PTPN9: variants seen among roughly 807,000 people sequenced by gnomAD.
PTPN9 encodes the protein tyrosine-protein phosphatase non-receptor type 9.
In PTPN9, 26 loss-of-function variants were observed where a neutral mutation model predicts 69.8. The observed-to-expected ratio is 0.37, with a 90% CI of 0.27 to 0.52. The LOEUF (loss-of-function observed/expected upper bound fraction) is 0.52. Ranked by LOEUF, PTPN9 falls within the 20% of genes least tolerant of loss-of-function variation. The pLI is 0.91. For synonymous variants in PTPN9, 274 were observed against 272.5 expected (o/e 1.01, Z -0.05); for missense variants, 549 against 740.3 (o/e 0.74, Z 3.00).
At chr15:75,484,581 T>C (rs896356686) in intron 8 of PTPN9, among the ~76,000 whole-genome samples, 1 of 152,198 alleles carries the variant, frequency 6.6e-6, no homozygotes, top group African/African-American at 2.4e-5. Context: ...AAAAGATCCT[T>C]TGATCCAGGC....
chr15:75,485,273 G>T (rs1297724360), intron 8 of PTPN9, among the ~76,000 whole-genome samples: 1 of 150,456 alleles, frequency 6.6e-6, no homozygotes, highest in Admixed American at 6.6e-5. Context: ...AAGCACAAAA[G>T]ATTTACCTAG....
At chr15:75,492,380 G>A (rs2074715820) in intron 7 of PTPN9, among the ~76,000 whole-genome samples, 1 of 152,150 alleles carries the variant, frequency 6.6e-6, no homozygotes, top group African/African-American at 2.4e-5. Flanking sequence ...AGACACAGAA[G>A]CTAGGACCAA....
chr15:75,520,356 T>C (rs1366555009), intron 4 of PTPN9, among the ~76,000 whole-genome samples: 2 of 152,006 alleles, frequency 1.3e-5, no homozygotes, highest in African/African-American at 4.8e-5. Flanking sequence ...ATCCAGGTTC[T>C]ATATTCCCAG....
At chr15:75,510,772 G>A (rs1041769368) in intron 5 of PTPN9, among the ~76,000 whole-genome samples, 5 of 151,608 alleles carry the variant, frequency 3.3e-5, no homozygotes, top group Admixed American at 2.0e-4. Flanking sequence ...AATTATTGGC[G>A]TTAAGTATGT....
chr15:75,468,886 G>C lies in PTPN9; in HGVS notation c.1665C>G (p.Ala555=), dbSNP rs141630035. 283 of 1,614,072 alleles carry C rather than the reference G, an allele frequency of 1.8e-4. No homozygotes were observed. The highest frequency in any genetic ancestry group is 1.8e-4 in the Non-Finnish European group (212 of 1,180,036). The part of the protein sequence containing the change: ...QTVSRMRTQR[A]FSIQTPEQYY... ...ACTGCTCAGGGGTCTGGATGCTGAA[G>C]GCCCTCTGGGTCCTCATGCGTGACA... The change falls in exon 13 of 13, where the codon GCC becomes GCG. Residue 555 remains alanine, a synonymous_variant. Transcript: ENST00000618819.
intron 1 of PTPN9, among the ~76,000 whole-genome samples, chr15:75,541,378 T>G (rs2075007958): frequency 1.3e-5 from 2 of 151,258 alleles, no homozygotes; most frequent in African/African-American, 4.9e-5. Context: ...CCACCACACC[T>G]GCCCTCATTT....
At chr15:75,538,524 C>T (rs970862723) in intron 1 of PTPN9, among the ~76,000 whole-genome samples, 1 of 152,026 alleles carries the variant, frequency 6.6e-6, no homozygotes. Flanking sequence ...TGACAAAACC[C>T]CGTCTCTACA....
At chr15:75,475,850 C>G (rs534385621) in intron 9 of PTPN9, among the ~76,000 whole-genome samples, 34 of 152,046 alleles carry the variant, frequency 2.2e-4, no homozygotes, top group Non-Finnish European at 4.7e-4. Context: ...TAAATTATGA[C>G]GTATCAGGTG....
At chr15:75,563,066 T>G (rs534857744) in intron 1 of PTPN9, among the ~76,000 whole-genome samples, 1 of 152,276 alleles carries the variant, frequency 6.6e-6, no homozygotes, top group African/African-American at 2.4e-5. Flanking sequence ...AGACAGCTTT[T>G]TGATCCTCGC....
At position 75,513,271 on chromosome 15, in the gene PTPN9, C is replaced by T. The variant is rs762044439; in HGVS notation, c.528+3988G>A. On this transcript the variant is annotated intron_variant, in intron 5 of 12. Transcript: ENST00000618819. ...GGTTTTTGATTTGCTGGTAAAAGGACCTTGGACATTTAGGTCCTGAAATAA... is the reference window on the plus strand; with the variant it reads ...GGTTTTTGATTTGCTGGTAAAAGGATCTTGGACATTTAGGTCCTGAAATAA... The T allele has an allele frequency of 6.6e-6, 3 of 455,756 alleles. No individual in the cohort carries two copies. In the East Asian group the frequency reaches 2.1e-4, roughly 32 times the overall value. 28.2% of individuals were successfully genotyped at this position (455,756 alleles called of 1,614,324 possible). A position where few individuals can be genotyped will look rare whatever the true frequency, so the allele number is the denominator to read the frequency against.
intron 1 of PTPN9, among the ~76,000 whole-genome samples, chr15:75,551,008 T>G (rs1237463607): frequency 6.6e-6 from 1 of 152,200 alleles, no homozygotes; most frequent in Non-Finnish European, 1.5e-5. Context: ...CAATGTTTAC[T>G]GAGTGCTTAT....
intron 7 of PTPN9, among the ~76,000 whole-genome samples, chr15:75,494,099 A>G (rs2074726018): frequency 2.0e-5 from 3 of 149,198 alleles, no homozygotes; most frequent in Non-Finnish European, 1.5e-5. Context: ...AATATTTACT[A>G]TCTTACCCTT....
intron 7 of PTPN9, among the ~76,000 whole-genome samples, chr15:75,503,147 T>C (rs2074783450): frequency 6.7e-6 from 1 of 148,476 alleles, no homozygotes; most frequent in Admixed American, 6.7e-5. Flanking sequence ...GTCTGGAAAG[T>C]GAGGAGCGTC....
intron 7 of PTPN9, among the ~76,000 whole-genome samples, chr15:75,499,492 G>A (rs535943893): frequency 2.3e-4 from 30 of 130,950 alleles, no homozygotes; most frequent in Non-Finnish European, 3.2e-4. Context: ...AGCAACCTCC[G>A]CCTCCTGGGC....
At chr15:75,502,685 T>C (rs138449573) in intron 7 of PTPN9, among the ~76,000 whole-genome samples, 15 of 152,250 alleles carry the variant, frequency 9.9e-5, no homozygotes, top group African/African-American at 3.6e-4. Flanking sequence ...TGACTGTGGA[T>C]TATTTTAAGT....
chr15:75,472,662 C>T (rs1336962554), intron 10 of PTPN9, among the ~76,000 whole-genome samples: 1 of 151,066 alleles, frequency 6.6e-6, no homozygotes, highest in Non-Finnish European at 1.5e-5. Context: ...CATGGTGGCA[C>T]GTTCCTATAA....
intron 1 of PTPN9, among the ~76,000 whole-genome samples, chr15:75,541,062 G>C (rs552846457): frequency 8.6e-5 from 13 of 151,986 alleles, no homozygotes; most frequent in Non-Finnish European, 1.9e-4. Context: ...CTGGGTAACA[G>C]TGAAACCCTG....
intron 4 of PTPN9, among the ~76,000 whole-genome samples, chr15:75,521,166 C>T (rs995750742): frequency 1.1e-4 from 16 of 144,622 alleles, no homozygotes; most frequent in Non-Finnish European, 2.0e-4. Context: ...TTACAATGGG[C>T]CGGGCACGGT....
intron 4 of PTPN9, among the ~76,000 whole-genome samples, chr15:75,522,036 G>A (rs2074907474): frequency 6.6e-6 from 1 of 152,112 alleles, no homozygotes. Context: ...CGGAGGACCA[G>A]CCAAAGATGT....
Sources: allele counts gnomAD v4.1 joint callset (sites outside exome capture counted in the v4.1 genomes callset), GRCh38; gene constraint gnomAD v4.1.1; transcripts MANE v1.5; gene names NCBI Gene and HGNC (gene_info 2026-07-23, HGNC 2026-07-21).